Variants in MEIS2 observed in about 807,000 individuals in gnomAD.
MEIS2 encodes Meis homeobox 2, also known as homeobox protein Meis2.
A neutral mutation model predicts 58.6 loss-of-function variants in MEIS2; 9 were observed. The observed-to-expected ratio is 0.15, with a 90% CI of 0.09 to 0.27. The LOEUF (loss-of-function observed/expected upper bound fraction) is 0.27, where lower values mean the gene tolerates loss of function less well. MEIS2 is among the 10% of genes least tolerant of loss of function. The probability of loss-of-function intolerance (pLI) is 1.00; values close to 1 mark genes in which losing one functional copy is unlikely to be tolerated. For synonymous variants in MEIS2, 221 were observed against 228.4 expected, an observed-to-expected ratio of 0.97 and a Z score of 0.29; for missense variants, 427 against 635.0, an observed-to-expected ratio of 0.67 and a Z score of 3.52.
chr15:37,001,372 C>T (rs2060720235), intron 8 of MEIS2, among the ~76,000 whole-genome samples: 1 of 152,142 alleles, frequency 6.6e-6, no homozygotes, highest in Admixed American at 6.5e-5. Flanking sequence ...CTTCCTACTC[C>T]AGCCCTTTAG....
chr15:36,970,614 CA>C (rs2059518887), intron 8 of MEIS2, among the ~76,000 whole-genome samples: 1 of 152,188 alleles, frequency 6.6e-6, no homozygotes, highest in Non-Finnish European at 1.5e-5. Flanking sequence ...CAACATAGCA[CA>C]AGGAAAGTGA....
At chr15:37,018,957 G>A (rs938239932) in intron 8 of MEIS2, among the ~76,000 whole-genome samples, 3 of 152,096 alleles carry the variant, frequency 2.0e-5, no homozygotes, top group East Asian at 1.9e-4. Context: ...AGGCCAGGTC[G>A]GTCATTGATG....
At chr15:36,909,759 G>A (rs2141262049) in intron 9 of MEIS2, among the ~76,000 whole-genome samples, 1 of 151,568 alleles carries the variant, frequency 6.6e-6, no homozygotes, top group Non-Finnish European at 1.5e-5. Flanking sequence ...TGCACAGTCC[G>A]GGACATAACT....
intron 7 of MEIS2, among the ~76,000 whole-genome samples, chr15:37,057,759 T>C (rs1347663554): frequency 6.6e-6 from 1 of 152,152 alleles, no homozygotes; most frequent in Non-Finnish European, 1.5e-5. Context: ...TCAGCAATGT[T>C]AAGCTCTCTA....
At chr15:37,051,228 C>T (rs1842515072) in intron 7 of MEIS2, among the ~76,000 whole-genome samples, 1 of 152,098 alleles carries the variant, frequency 6.6e-6, no homozygotes, top group Admixed American at 6.5e-5. Flanking sequence ...TAAAACAAAC[C>T]AGTTTGAGTG....
chr15:37,083,014 C>A (rs1379056134), intron 7 of MEIS2, among the ~76,000 whole-genome samples: 1 of 152,126 alleles, frequency 6.6e-6, no homozygotes, highest in Non-Finnish European at 1.5e-5. Context: ...TATACACTTC[C>A]CTGGCCCACA....
At chr15:37,062,868 C>T (rs1231386670) in intron 7 of MEIS2, among the ~76,000 whole-genome samples, 1 of 152,196 alleles carries the variant, frequency 6.6e-6, no homozygotes, top group Non-Finnish European at 1.5e-5. Flanking sequence ...GCTTAGAAAA[C>T]TTTGTTCACT....
At chr15:37,078,521 A>G (rs1891722931) in intron 7 of MEIS2, among the ~76,000 whole-genome samples, 1 of 24,242 alleles carries the variant, frequency 4.1e-5, no homozygotes, top group African/African-American at 9.1e-5. Flanking sequence ...CTATTTCACC[A>G]GAGTTTTAAA....
chr15:37,051,647 T>C (rs967358284), intron 7 of MEIS2, among the ~76,000 whole-genome samples: 2 of 152,150 alleles, frequency 1.3e-5, no homozygotes, highest in Non-Finnish European at 2.9e-5. Flanking sequence ...ATAAAAATAA[T>C]AAGCAAAGTA....
At chr15:37,060,803 C>T (rs12906295) in intron 7 of MEIS2, among the ~76,000 whole-genome samples, 52,532 of 151,908 alleles carry the variant, frequency 0.35, 11,177 homozygotes, top group Admixed American at 0.47. Flanking sequence ...CGGTACAATT[C>T]TAACAATTGT....
At chr15:36,981,399 C>T (rs1410357685) in intron 8 of MEIS2, among the ~76,000 whole-genome samples, 1 of 152,022 alleles carries the variant, frequency 6.6e-6, no homozygotes. Context: ...GGTACTTACA[C>T]TTCCAATTTT....
intron 8 of MEIS2, among the ~76,000 whole-genome samples, chr15:37,018,475 A>G (rs1246465182): frequency 6.6e-6 from 1 of 152,212 alleles, no homozygotes; most frequent in African/African-American, 2.4e-5. Context: ...TACAATTTTT[A>G]AAGTAGTGTT....
At chr15:37,051,312 C>T (rs1199398801) in intron 7 of MEIS2, among the ~76,000 whole-genome samples, 2 of 152,138 alleles carry the variant, frequency 1.3e-5, no homozygotes, top group Admixed American at 6.5e-5. Context: ...ACTGATACCC[C>T]CAGCATGGTA....
chr15:36,941,874 A>C (rs1260352703), intron 9 of MEIS2, among the ~76,000 whole-genome samples: 1 of 152,138 alleles, frequency 6.6e-6, no homozygotes, highest in Non-Finnish European at 1.5e-5. Context: ...TTGAATCCAG[A>C]TCTTTGGGGA....
intron 7 of MEIS2, among the ~76,000 whole-genome samples, chr15:37,078,616 A>C (rs1334369446): frequency 1.3e-5 from 2 of 149,186 alleles, no homozygotes; most frequent in Non-Finnish European, 3.0e-5. Flanking sequence ...AAAAAAAAAA[A>C]AAAAAAAAAA....
intron 8 of MEIS2, among the ~76,000 whole-genome samples, chr15:36,952,551 T>C (rs2058788202): frequency 6.6e-6 from 1 of 151,960 alleles, no homozygotes; most frequent in Non-Finnish European, 1.5e-5. Context: ...GATGCATTTG[T>C]CCAAGGCAGT....
chr15:36,997,486 TCTC>T (rs1595893609), intron 8 of MEIS2, among the ~76,000 whole-genome samples: 1 of 70,334 alleles, frequency 1.4e-5, no homozygotes, highest in Non-Finnish European at 3.0e-5. Flanking sequence ...TCTCTCTCTC[TCTC>T]TTTTTTTTTT....
chr15:36,925,904 A>G (rs952126159), intron 9 of MEIS2, among the ~76,000 whole-genome samples: 8 of 152,196 alleles, frequency 5.3e-5, no homozygotes, highest in African/African-American at 1.9e-4. Flanking sequence ...AAGTAATAAA[A>G]TTGCTATTCT....
chr15:37,084,273 A>G (rs1443253854), intron 6 of MEIS2, among the ~76,000 whole-genome samples: 2 of 152,180 alleles, frequency 1.3e-5, no homozygotes, highest in African/African-American at 4.8e-5. Context: ...TCTACTAAGA[A>G]ATAGGTCCCG....
Sources: allele counts gnomAD v4.1 joint callset (sites outside exome capture counted in the v4.1 genomes callset), GRCh38; gene constraint gnomAD v4.1.1; transcripts MANE v1.5; gene names NCBI Gene and HGNC (gene_info 2026-07-23, HGNC 2026-07-21).